CSMD1: variants seen among roughly 807,000 people sequenced by gnomAD.
CSMD1 encodes the protein CUB and sushi domain-containing protein 1.
In CSMD1, 213 loss-of-function variants were observed where a neutral mutation model predicts 417.5. The ratio of observed to expected loss-of-function variants is 0.51; its 90% CI spans 0.46 to 0.57. The LOEUF is 0.57. CSMD1 is among the 20% of genes least tolerant of loss of function. The pLI, the probability that CSMD1 is intolerant of heterozygous loss-of-function variation, is 0.00. For missense variants in CSMD1, 6,923 were observed against 4,529.7 expected, an observed-to-expected ratio of 1.53 and a Z score of -15.17; for synonymous variants, 2,862 against 1,736.8, an observed-to-expected ratio of 1.65 and a Z score of -16.11.
intron 5 of CSMD1, among the ~76,000 whole-genome samples, chr8:3,882,371 G>A (rs1039785621): frequency 2.0e-5 from 3 of 152,172 alleles, no homozygotes; most frequent in Admixed American, 1.3e-4. Context: ...ATCCCCACTA[G>A]AATGGTTAAA....
chr8:3,977,753 G>T (rs560600035), intron 5 of CSMD1, among the ~76,000 whole-genome samples: 5 of 152,310 alleles, frequency 3.3e-5, no homozygotes, highest in East Asian at 3.9e-4. Flanking sequence ...ACAATTTTGT[G>T]AATCTGCATG....
intron 1 of CSMD1, among the ~76,000 whole-genome samples, chr8:4,798,284 A>T (rs925438282): frequency 5.9e-5 from 9 of 152,104 alleles, no homozygotes; most frequent in African/African-American, 1.9e-4. Context: ...TCCTTGCGCT[A>T]GTTTGCTGAG....
chr8:3,693,388 G>C (rs1486757372), intron 7 of CSMD1, among the ~76,000 whole-genome samples: 1 of 152,122 alleles, frequency 6.6e-6, no homozygotes, highest in Non-Finnish European at 1.5e-5. Flanking sequence ...GGAATATAAT[G>C]ACTTTTGTTA....
chr8:4,298,793 G>A (rs1225626842), intron 3 of CSMD1, among the ~76,000 whole-genome samples: 1 of 151,944 alleles, frequency 6.6e-6, no homozygotes, highest in Non-Finnish European at 1.5e-5. Context: ...TTTGAAGAAT[G>A]TGTTTGTAAA....
At chr8:3,759,057 C>G (rs146969019) in intron 5 of CSMD1, among the ~76,000 whole-genome samples, 1 of 152,338 alleles carries the variant, frequency 6.6e-6, no homozygotes, top group East Asian at 1.9e-4. Flanking sequence ...GAGAGCAACA[C>G]AGCCCAGCTG....
chr8:3,392,571 C>G (rs1005103911), intron 17 of CSMD1, among the ~76,000 whole-genome samples: 1 of 152,044 alleles, frequency 6.6e-6, no homozygotes. Flanking sequence ...TCCTGCTTGC[C>G]TGTGGGTTTT....
chr8:4,883,846 A>T (rs2116968244), intron 1 of CSMD1, among the ~76,000 whole-genome samples: 1 of 152,194 alleles, frequency 6.6e-6, no homozygotes, highest in South Asian at 2.1e-4. Flanking sequence ...TAGATTTATA[A>T]CTGGGGGTGA....
In CSMD1 at chr8:4,994,355, G is replaced by C. The variant is rs375007161; in HGVS notation, c.62C>G (p.Ala21Gly). 4.5e-5 allele frequency: 73 copies of C among 1,611,420 alleles called. No individual in the cohort carries two copies. The African/African-American group carries it at 9.2e-4, about 20-fold the overall frequency. The change falls in exon 1 of 70, where the codon GCG (alanine) becomes GGG (glycine). Residue 21 changes from alanine (A) to glycine (G), a missense_variant. Coordinates refer to ENST00000635120, the MANE Select transcript of CSMD1 (RefSeq NM_033225.6). ...LLLLGLLVLCARLLTAAKGQN... is the reference protein window; with the variant it reads ...LLLLGLLVLCGRLLTAAKGQN... ...ACCCTTCGCTGCAGTGAGGAGCCTC[G>C]CGCACAGCACCAGCAGCCCGAGAAG...
intron 4 of CSMD1, among the ~76,000 whole-genome samples, chr8:4,009,898 C>T (rs888084113): frequency 6.6e-6 from 1 of 152,066 alleles, no homozygotes; most frequent in African/African-American, 2.4e-5. Flanking sequence ...TCCTTTACAA[C>T]AGTCCCTGCA....
chr8:3,580,310 C>A (rs993939143), intron 9 of CSMD1, among the ~76,000 whole-genome samples: 2 of 151,984 alleles, frequency 1.3e-5, no homozygotes, highest in Non-Finnish European at 2.9e-5. Context: ...AGGGAAAAGG[C>A]CTGCTCTGTA....
chr8:3,497,260 C>G (rs996484386), intron 10 of CSMD1, among the ~76,000 whole-genome samples: 1 of 152,162 alleles, frequency 6.6e-6, no homozygotes, highest in Non-Finnish European at 1.5e-5. Context: ...AAGTCCACAT[C>G]TATTATTATA....
chr8:4,923,136 A>G (rs1371292558), intron 1 of CSMD1, among the ~76,000 whole-genome samples: 1 of 152,168 alleles, frequency 6.6e-6, no homozygotes, highest in Non-Finnish European at 1.5e-5. Flanking sequence ...TAGGGGAAAT[A>G]TTTTTAAAAT....
chr8:4,843,248 G>A (rs563995563), intron 1 of CSMD1, among the ~76,000 whole-genome samples: 4 of 152,086 alleles, frequency 2.6e-5, no homozygotes, highest in Non-Finnish European at 5.9e-5. Flanking sequence ...AGGGGAATAC[G>A]ATGTCTCCCT....
At chr8:4,787,098 A>C (rs1012340757) in intron 1 of CSMD1, among the ~76,000 whole-genome samples, 3 of 152,154 alleles carry the variant, frequency 2.0e-5, no homozygotes, top group African/African-American at 7.2e-5. Flanking sequence ...GCAGGGTGAT[A>C]CTCGGCCTCC....
At chr8:4,729,073 A>C (rs1321549413) in intron 1 of CSMD1, among the ~76,000 whole-genome samples, 2 of 152,208 alleles carry the variant, frequency 1.3e-5, no homozygotes, top group African/African-American at 4.8e-5. Flanking sequence ...GACAGGAAAC[A>C]CTTGGATGTT....
intron 1 of CSMD1, among the ~76,000 whole-genome samples, chr8:4,639,936 G>A (rs1277001393): frequency 6.6e-6 from 1 of 152,124 alleles, no homozygotes; most frequent in Admixed American, 6.6e-5. Flanking sequence ...AAGCTGTGGG[G>A]TTTTGAAAGG....
At chr8:4,354,048 T>C (rs567094951) in intron 3 of CSMD1, among the ~76,000 whole-genome samples, 4 of 152,360 alleles carry the variant, frequency 2.6e-5, no homozygotes, top group South Asian at 2.1e-4. Context: ...CCAGTGTCTA[T>C]GCAGCTATAT....
At chr8:3,358,445 T>C (rs776163821) in intron 21 of CSMD1, among the ~76,000 whole-genome samples, 2 of 152,194 alleles carry the variant, frequency 1.3e-5, no homozygotes, top group Non-Finnish European at 2.9e-5. Context: ...CTATTTAAGC[T>C]ACAACGGCAG....
rs116152429 is a variant in CSMD1 at position 4,190,686 on chromosome 8, T to G, written c.416-158587A>C. 6.9e-3 allele frequency among the ~76,000 whole-genome samples: 1,045 copies of G among 152,256 alleles called. 15 individuals carry two copies. The highest frequency in any genetic ancestry group is 0.024 in the African/African-American group (1,013 of 41,528). On this transcript the variant is annotated intron_variant, in intron 3 of 69. Coordinates refer to ENST00000635120, the MANE Select transcript of CSMD1 (RefSeq NM_033225.6). ...TTGACTATATAACCAGATAGATTTT[T>G]CATTATGAATTAACAAACATTTTAC...
Sources: allele counts gnomAD v4.1 joint callset (sites outside exome capture counted in the v4.1 genomes callset), GRCh38; gene constraint gnomAD v4.1.1; transcripts MANE v1.5; gene names NCBI Gene and HGNC (gene_info 2026-07-23, HGNC 2026-07-21).